SLC4A4: variants seen among roughly 807,000 people sequenced by gnomAD.
The protein encoded by SLC4A4 is electrogenic sodium bicarbonate cotransporter 1.
SLC4A4 carries 27 observed loss-of-function variants against 111.5 expected under a neutral mutation model. The observed-to-expected ratio is 0.24, with a 90% CI of 0.18 to 0.33. SLC4A4 has a LOEUF of 0.33. SLC4A4 is among the 10% of genes least tolerant of loss of function. The probability of loss-of-function intolerance (pLI) is 1.00; values close to 1 mark genes in which losing one functional copy is unlikely to be tolerated. For synonymous variants in SLC4A4, 443 were observed against 463.4 expected (o/e 0.96, Z 0.57); for missense variants, 909 against 1,315.5 (o/e 0.69, Z 4.78).
At chr4:71,534,673 A>C (rs765369948) in intron 18 of SLC4A4, among the ~76,000 whole-genome samples, 1 of 152,178 alleles carries the variant, frequency 6.6e-6, no homozygotes, top group Non-Finnish European at 1.5e-5. Context: ...GTCATCCTAC[A>C]TCTGATTTTA....
At chr4:71,306,045 C>T (rs549610391) in intron 3 of SLC4A4, among the ~76,000 whole-genome samples, 14 of 152,334 alleles carry the variant, frequency 9.2e-5, no homozygotes, top group African/African-American at 3.1e-4. Flanking sequence ...GATTTGCAAG[C>T]TGGACTTGTT....
intron 1 of SLC4A4, among the ~76,000 whole-genome samples, chr4:71,068,356 C>T (rs774091619): frequency 6.6e-6 from 1 of 151,870 alleles, no homozygotes; most frequent in South Asian, 2.1e-4. Context: ...TGAGCCACTG[C>T]GCCTGGCCAC....
At chr4:71,337,277 A>G (rs1454677887) in intron 3 of SLC4A4, among the ~76,000 whole-genome samples, 1 of 152,222 alleles carries the variant, frequency 6.6e-6, no homozygotes, top group Non-Finnish European at 1.5e-5. Context: ...CACATATCAG[A>G]CTGAGCACCG....
At chr4:71,338,212 A>T (rs1166848819) in intron 3 of SLC4A4, among the ~76,000 whole-genome samples, 1 of 152,076 alleles carries the variant, frequency 6.6e-6, no homozygotes, top group East Asian at 1.9e-4. Flanking sequence ...AATATTTTTC[A>T]TGGGTTTATT....
chr4:71,527,993 AAAG>A (rs1293987110), intron 16 of SLC4A4, among the ~76,000 whole-genome samples: 1 of 152,202 alleles, frequency 6.6e-6, no homozygotes, highest in South Asian at 2.1e-4. Context: ...GGAAACCAGC[AAAG>A]AAGAACTAGA....
In SLC4A4 at chr4:71,151,939, C is replaced by T. The variant is rs72860036; in HGVS notation, c.-2+59147C>T. On this transcript the variant is annotated intron_variant, in intron 2 of 26. Coordinates refer to the SLC4A4 transcript ENST00000649996. ...TTTATTAGAGGTGTGGTGGTGTACA[C>T]CTGTAGTCCCAGGTATTGGGACTAC... 5.2e-3 allele frequency among the ~76,000 whole-genome samples: 797 copies of T among 151,842 alleles called. 9 individuals are homozygous for T. Among genetic ancestry groups the T allele is most frequent in the African/African-American group, 0.018 (763 of 41,422 alleles).
intron 2 of SLC4A4, among the ~76,000 whole-genome samples, chr4:71,253,496 T>A (rs935045427): frequency 6.6e-6 from 1 of 152,204 alleles, no homozygotes; most frequent in African/African-American, 2.4e-5. Flanking sequence ...AACCTCTTAA[T>A]TTGTGTGTGT....
intron 1 of SLC4A4, among the ~76,000 whole-genome samples, chr4:71,213,612 G>C (rs1472750484): frequency 6.6e-6 from 1 of 152,176 alleles, no homozygotes; most frequent in Non-Finnish European, 1.5e-5. Context: ...AAATCTCCCT[G>C]ATATGGACTG....
chr4:71,320,496 A>G (rs1020311939), intron 3 of SLC4A4, among the ~76,000 whole-genome samples: 1 of 152,022 alleles, frequency 6.6e-6, no homozygotes, highest in African/African-American at 2.4e-5. Flanking sequence ...TGAATCTCAG[A>G]CACCCCACTT....
chr4:71,442,841 G>A (rs1724851534), intron 8 of SLC4A4, among the ~76,000 whole-genome samples: 1 of 151,850 alleles, frequency 6.6e-6, no homozygotes, highest in Non-Finnish European at 1.5e-5. Context: ...CTTGTGCGGA[G>A]TTCACCAATT....
At chr4:71,550,305 A>G (rs1009242487) in intron 20 of SLC4A4, among the ~76,000 whole-genome samples, 1 of 151,780 alleles carries the variant, frequency 6.6e-6, no homozygotes, top group African/African-American at 2.4e-5. Flanking sequence ...GGGAATCACA[A>G]CTCCTGATAA....
At chr4:71,491,259 A>G (rs557852574) in intron 15 of SLC4A4, among the ~76,000 whole-genome samples, 1 of 151,922 alleles carries the variant, frequency 6.6e-6, no homozygotes, top group Non-Finnish European at 1.5e-5. Context: ...TAAGTACATC[A>G]ACAACTTAAC....
intron 3 of SLC4A4, among the ~76,000 whole-genome samples, chr4:71,308,315 C>T (rs1241654259): frequency 6.6e-6 from 1 of 152,184 alleles, no homozygotes; most frequent in Non-Finnish European, 1.5e-5. Flanking sequence ...AACACAATTA[C>T]TGTAATGATC....
In SLC4A4 at chr4:71,194,255, A is replaced by ATG. The variant is rs1398499344; in HGVS notation, c.-2+6855_-2+6856dup. On this transcript the variant is annotated intron_variant, in intron 1 of 25. Coordinates refer to ENST00000264485, the MANE Select transcript of SLC4A4 (RefSeq NM_001098484.3). ...ATGAGGAACAGATAAAGTGATCTTT[A>ATG]TGAAATCTTGTTCAGCACTGTAAAT... Among the ~76,000 whole-genome samples the ATG allele has an allele frequency of 2.0e-5, 3 of 152,210 alleles. No individual in the cohort carries two copies. The East Asian group carries it at 5.8e-4, about 29-fold the overall frequency.
intron 2 of SLC4A4, among the ~76,000 whole-genome samples, chr4:71,165,356 T>C (rs748243322): frequency 4.6e-5 from 7 of 152,222 alleles, no homozygotes; most frequent in Non-Finnish European, 7.3e-5. Context: ...ATATACACCA[T>C]GTAATACTAT....
intron 7 of SLC4A4, among the ~76,000 whole-genome samples, chr4:71,435,066 A>T (rs1723996352): frequency 3.9e-5 from 6 of 152,186 alleles, no homozygotes. Context: ...ATTGTAAAAA[A>T]CTACTTTGAA....
intron 3 of SLC4A4, among the ~76,000 whole-genome samples, chr4:71,323,907 T>C (rs1209477763): frequency 6.6e-6 from 1 of 151,948 alleles, no homozygotes; most frequent in African/African-American, 2.4e-5. Context: ...CTTGGGAACG[T>C]TGGGAGTTGA....
At chr4:71,343,649 G>C (rs1245860971) in intron 4 of SLC4A4, among the ~76,000 whole-genome samples, 1 of 152,158 alleles carries the variant, frequency 6.6e-6, no homozygotes, top group Admixed American at 6.5e-5. Context: ...CATATTCAGA[G>C]ATTTCACTAC....
intron 3 of SLC4A4, among the ~76,000 whole-genome samples, chr4:71,260,869 G>A (rs1454618535): frequency 1.3e-5 from 2 of 152,190 alleles, no homozygotes; most frequent in Non-Finnish European, 2.9e-5. Context: ...AGCACTGCAT[G>A]TAGTCAGCAA....
Sources: allele counts gnomAD v4.1 joint callset (sites outside exome capture counted in the v4.1 genomes callset), GRCh38; gene constraint gnomAD v4.1.1; transcripts MANE v1.5; gene names NCBI Gene and HGNC (gene_info 2026-07-23, HGNC 2026-07-21).